The following SHMT1 variants were observed in gnomAD, a reference collection of about 807,000 sequenced individuals.
SHMT1 encodes serine hydroxymethyltransferase, cytosolic.
A neutral mutation model predicts 49.0 loss-of-function variants in SHMT1; 45 were observed. The ratio of observed to expected loss-of-function variants is 0.92; its 90% CI spans 0.72 to 1.18. SHMT1 has a LOEUF of 1.18. Ranked by LOEUF, SHMT1 falls within the 50% of genes most tolerant of loss-of-function variation. The pLI, the probability that SHMT1 is intolerant of heterozygous loss-of-function variation, is 0.00. For missense variants in SHMT1, 541 were observed against 612.4 expected, an observed-to-expected ratio of 0.88 and a Z score of 1.23; for synonymous variants, 232 against 246.6, an observed-to-expected ratio of 0.94 and a Z score of 0.55.
chr17:18,332,789 A>T (rs1983359166), intron 9 of SHMT1: 1 of 331,706 alleles, frequency 3.0e-6, no homozygotes, highest in Non-Finnish European at 6.0e-6. Flanking sequence ...GAGAGAAGAC[A>T]CTCCCCTGGC....
rs1983079608 is a variant in SHMT1 at position 18,330,493 on chromosome 17, A to G, written c.1171+62T>C. 2.5e-6 allele frequency: 3 copies of G among 1,199,746 alleles called. No individual in the cohort carries two copies. The African/African-American group carries it at 4.5e-5, about 18-fold the overall frequency. The allele number at this position is 1,199,746 out of a possible 1,614,324, so 74.3% of individuals were successfully genotyped here. A position where few individuals can be genotyped will look rare whatever the true frequency, so the allele number is the denominator to read the frequency against. On this transcript the variant is annotated intron_variant, in intron 10 of 11. Coordinates refer to ENST00000316694, the MANE Select transcript of SHMT1 (RefSeq NM_004169.5). ...GGAGCCAATATATTCATCAGCTACA[A>G]CTTTGGCCAGAAGAAATGCAGATGG...
At chr17:18,352,393 G>A (rs1046311804) in intron 3 of SHMT1, among the ~76,000 whole-genome samples, 6 of 152,122 alleles carry the variant, frequency 3.9e-5, no homozygotes, top group African/African-American at 7.2e-5. Context: ...TGATCCGCCC[G>A]CCTGGGCCTC....
chr17:18,345,046 TCTC>T (rs1984940178), intron 5 of SHMT1, among the ~76,000 whole-genome samples: 2 of 151,990 alleles, frequency 1.3e-5, no homozygotes. Flanking sequence ...ATAAGGTCTG[TCTC>T]CTCCTCCTGT....
chr17:18,328,886 G>C lies in SHMT1; in HGVS notation c.1316C>G (p.Thr439Ser). 1 of 1,613,984 alleles carries C rather than the reference G, an allele frequency of 6.2e-7. No homozygotes were observed. The highest frequency in any genetic ancestry group is 8.5e-7 in the Non-Finnish European group (1 of 1,180,022). The change falls in exon 12 of 12, where the codon ACT (threonine) becomes AGT (serine). Residue 439 changes from threonine to serine, a missense_variant. Coordinates refer to ENST00000316694, the MANE Select transcript of SHMT1 (RefSeq NM_004169.5). The part of the protein sequence containing the change: ...IELTLQIQSD[T>S]GVRATLKEFK... Reference sequence around the variant, plus strand: ...CTCTTTCAGGGTGGCTCTGACACCAGTGTCGCTCTGGATCTGCAGGGTCAG... The same window carrying C: ...CTCTTTCAGGGTGGCTCTGACACCACTGTCGCTCTGGATCTGCAGGGTCAG...
At chr17:18,341,725 T>C (rs1005444619) in intron 5 of SHMT1, 1 of 139,580 alleles carries the variant, frequency 7.2e-6, no homozygotes, top group South Asian at 2.3e-4. Flanking sequence ...ACAAAAACCA[T>C]AAAAGGAAAA....
chr17:18,339,986 C>G (rs1984307203), intron 7 of SHMT1, 57 bp downstream of exon 7: 2 of 1,546,988 alleles, frequency 1.3e-6, no homozygotes, highest in Non-Finnish European at 1.8e-6. Flanking sequence ...AATCTGAACC[C>G]CCACAGGAGA....
At chr17:18,333,122 AC>A (rs2151566801) in intron 9 of SHMT1, 43 bp downstream of exon 9, 1 of 1,612,004 alleles carries the variant, frequency 6.2e-7, no homozygotes, top group East Asian at 2.2e-5. Context: ...AAGCCTTAAT[AC>A]AACCACAAGA....
At chr17:18,341,914 G>A (rs1461847221) in intron 5 of SHMT1, among the ~76,000 whole-genome samples, 1 of 152,180 alleles carries the variant, frequency 6.6e-6, no homozygotes, top group Non-Finnish European at 1.5e-5. Flanking sequence ...TGACGCTGCA[G>A]TGCAGTGGGG....
intron 1 of SHMT1, among the ~76,000 whole-genome samples, chr17:18,360,102 A>G (rs1187763343): frequency 6.6e-6 from 1 of 151,956 alleles, no homozygotes; most frequent in Non-Finnish European, 1.5e-5. Flanking sequence ...TACAAAAATT[A>G]GATGGGCATA....
intron 1 of SHMT1, among the ~76,000 whole-genome samples, chr17:18,357,605 G>C (rs569638988): frequency 2.4e-4 from 36 of 152,222 alleles, no homozygotes; most frequent in African/African-American, 7.9e-4. Context: ...TTTGCTATAA[G>C]AAGGGCCTCA....
chr17:18,337,620 G>A (rs1202500230), intron 7 of SHMT1, among the ~76,000 whole-genome samples: 1 of 141,880 alleles, frequency 7.0e-6, no homozygotes, highest in African/African-American at 2.6e-5. Flanking sequence ...CTCTGATGCC[G>A]AGCCGAAGCT....
chr17:18,338,610 G>A (rs112031627), intron 7 of SHMT1, among the ~76,000 whole-genome samples: 16,625 of 152,168 alleles, frequency 0.11, 1,009 homozygotes, highest in South Asian at 0.18. Flanking sequence ...CGGTTTTGTC[G>A]AATAGAAAAG....
rs776364483 is a variant in SHMT1 at position 18,355,948 on chromosome 17, C to T, written c.34G>A (p.Ala12Thr). 6.8e-6 allele frequency: 11 copies of T among 1,614,132 alleles called. No individual in the cohort carries two copies. In the Admixed American group the frequency reaches 1.8e-4, roughly 27 times the overall value. Residue 12 changes from alanine to threonine, a missense_variant, in exon 2 of 12, where the codon GCT becomes ACT. Coordinates refer to ENST00000316694, the MANE Select transcript of SHMT1 (RefSeq NM_004169.5). ...TMPVNGAHKDADLWSSHDKML... is the reference protein window; with the variant it reads ...TMPVNGAHKDTDLWSSHDKML... ...TTGTCATGTGAGGACCACAGGTCAGCATCCTTGTGGGCCCCGTTGACTGGC... is the reference window on the plus strand; with the variant it reads ...TTGTCATGTGAGGACCACAGGTCAGTATCCTTGTGGGCCCCGTTGACTGGC...
chr17:18,348,434 A>T lies in SHMT1; in HGVS notation c.249T>A (p.Tyr83Ter). 2 of 1,609,660 alleles carry T rather than the reference A, an allele frequency of 1.2e-6. No homozygotes were observed. The highest frequency in any genetic ancestry group is 1.7e-6 in the Non-Finnish European group (2 of 1,175,902). ...YSEGYPGQRY[Y>*]GGTEFIDELE... ...GTTCATCAATAAACTCAGTCCCGCC[A>T]TAGTATCTGTGGGAGAAGAGCAGGA... The change falls in exon 4 of 12, where the codon TAT becomes TAA. Residue 83 changes from tyrosine to a stop codon, truncating the protein, a stop_gained. Transcript: ENST00000316694. LOFTEE classifies it high-confidence loss of function.
At position 18,344,758 on chromosome 17, in the gene SHMT1, G is replaced by A. The variant is rs72561729; in HGVS notation, c.519+2738C>T. 2.2e-3 allele frequency among the ~76,000 whole-genome samples: 328 copies of A among 152,240 alleles called. 2 individuals are homozygous for A. Among genetic ancestry groups the A allele is most frequent in the African/African-American group, 7.4e-3 (308 of 41,552 alleles). On this transcript the variant is annotated intron_variant, in intron 5 of 11. Coordinates refer to ENST00000316694, the MANE Select transcript of SHMT1 (RefSeq NM_004169.5). The stretch of plus-strand genomic sequence containing the variant: ...GGGTCCACAGTGCACAGAGGATAAG[G>A]AAGGAGACCCCAGCAGTCACTTAGG...
At chr17:18,350,822 T>C (rs1200109569) in intron 3 of SHMT1, among the ~76,000 whole-genome samples, 1 of 151,044 alleles carries the variant, frequency 6.6e-6, no homozygotes, top group Non-Finnish European at 1.5e-5. Context: ...AACCTCCGCC[T>C]CCCAAGTTCA....
At chr17:18,362,911 C>T (rs569021102) in intron 1 of SHMT1, 5 of 152,356 alleles carry the variant, frequency 3.3e-5, no homozygotes, top group African/African-American at 7.2e-5. Context: ...GGGGCGCAGG[C>T]TTTGAGAACC....
chr17:18,331,153 A>G (rs4925174), intron 9 of SHMT1: 5,939 of 296,182 alleles, frequency 0.02, 236 homozygotes, highest in African/African-American at 0.098. Context: ...CAAAGTGGTA[A>G]GGTGACAACA....
Position 18,328,545 on chromosome 17 carries a change from A to T in SHMT1, c.*205T>A. The T allele has an allele frequency of 1.7e-6, 1 of 597,338 alleles. No individual in the cohort carries two copies. The highest frequency in any genetic ancestry group is 3.0e-6 in the Non-Finnish European group (1 of 338,458). The allele number at this position is 597,338 out of a possible 1,614,324, so 37.0% of individuals were successfully genotyped here. A position where few individuals can be genotyped will look rare whatever the true frequency, so the allele number is the denominator to read the frequency against. ...CAGGTTCAAATTTAAATCCTTTAATAACCTGTCCCAGAATTACTAACAATG... is the reference window on the plus strand; with the variant it reads ...CAGGTTCAAATTTAAATCCTTTAATTACCTGTCCCAGAATTACTAACAATG... On this transcript the variant is annotated 3_prime_UTR_variant, in exon 12 of 12. Coordinates refer to ENST00000316694, the MANE Select transcript of SHMT1 (RefSeq NM_004169.5).
Sources: gnomAD v4.1 joint callset for allele counts (sites outside exome capture counted in the v4.1 genomes callset) on GRCh38, gnomAD v4.1.1 for gene constraint, MANE v1.5 for transcripts, NCBI Gene and HGNC (gene_info 2026-07-23, HGNC 2026-07-21) for gene names.